AGTPBP1: variants seen among roughly 807,000 people sequenced by gnomAD.
AGTPBP1 encodes the protein ATP/GTP binding carboxypeptidase 1.
A neutral mutation model predicts 143.9 loss-of-function variants in AGTPBP1; 70 were observed. The observed-to-expected ratio is 0.49, with a 90% CI of 0.40 to 0.59. The LOEUF is 0.59. Among genes scored for constraint, AGTPBP1 ranks in the 20% least tolerant of loss-of-function variants. AGTPBP1 has a pLI of 0.00. For synonymous variants in AGTPBP1, 463 were observed against 500.2 expected (o/e 0.93, Z 0.99); for missense variants, 1,229 against 1,464.5 (o/e 0.84, Z 2.62).
intron 12 of AGTPBP1, 27 bp downstream of exon 12, chr9:85,646,294 T>C: frequency 1.3e-6 from 2 of 1,538,608 alleles, no homozygotes; most frequent in Non-Finnish European, 1.8e-6. Flanking sequence ...TTTATAAAGC[T>C]AACTAATTAC....
At chr9:85,579,340 C>T (rs1214996377) in intron 23 of AGTPBP1, among the ~76,000 whole-genome samples, 1 of 151,694 alleles carries the variant, frequency 6.6e-6, no homozygotes, top group African/African-American at 2.4e-5. Context: ...ACGGTATAAC[C>T]AATAAGCAAA....
intron 2 of AGTPBP1, among the ~76,000 whole-genome samples, chr9:85,701,999 T>C (rs1412273134): frequency 1.3e-5 from 2 of 152,222 alleles, no homozygotes; most frequent in Non-Finnish European, 2.9e-5. Context: ...TTTTGCCCCA[T>C]ATAATGTTAT....
chr9:85,555,900 T>C (rs570312682), intron 25 of AGTPBP1, among the ~76,000 whole-genome samples: 2 of 152,290 alleles, frequency 1.3e-5, no homozygotes, highest in Non-Finnish European at 2.9e-5. Context: ...TATAAGTGAA[T>C]GTGACTAACT....
chr9:85,659,325 C>A (rs1299365974), intron 9 of AGTPBP1, among the ~76,000 whole-genome samples: 2 of 151,916 alleles, frequency 1.3e-5, no homozygotes, highest in African/African-American at 4.8e-5. Context: ...CTCCTCTCTG[C>A]CAAAACCAAA....
At chr9:85,628,889 G>C (rs1412896306) in intron 14 of AGTPBP1, among the ~76,000 whole-genome samples, 1 of 151,914 alleles carries the variant, frequency 6.6e-6, no homozygotes, top group Admixed American at 6.6e-5. Context: ...CTAATTTTTT[G>C]TATTTTTAGT....
intron 1 of AGTPBP1, among the ~76,000 whole-genome samples, chr9:85,730,273 T>A (rs981238265): frequency 6.6e-6 from 1 of 152,252 alleles, no homozygotes; most frequent in Non-Finnish European, 1.5e-5. Flanking sequence ...ATTGATTTAT[T>A]GCCCCTCATC....
intron 1 of AGTPBP1, among the ~76,000 whole-genome samples, chr9:85,724,843 A>T (rs1212046576): frequency 6.6e-6 from 1 of 152,228 alleles, no homozygotes; most frequent in Non-Finnish European, 1.5e-5. Flanking sequence ...TGCAGGTGCT[A>T]AATAAATTTT....
At chr9:85,786,560 C>G in the AGTPBP1 span, 13 of 1,613,702 alleles carry the variant, frequency 8.1e-6, no homozygotes, top group African/African-American at 1.6e-4. Flanking sequence ...ATCTAGAAAA[C>G]CAAGGGACTT....
chr9:85,632,526 C>A, intron 14 of AGTPBP1, 136 bp downstream of exon 14: 2 of 794,362 alleles, frequency 2.5e-6, no homozygotes, highest in Non-Finnish European at 1.9e-6. Context: ...GCAAAATTTC[C>A]AAAGCAGAAT....
intron 17 of AGTPBP1, among the ~76,000 whole-genome samples, chr9:85,614,733 C>A (rs1458222576): frequency 2.0e-5 from 3 of 151,926 alleles, no homozygotes; most frequent in Non-Finnish European, 2.9e-5. Flanking sequence ...ACTAGATCAA[C>A]AAGAAACCCC....
intron 23 of AGTPBP1, 110 bp from the exon 24 acceptor site, chr9:85,579,206 G>A (rs563026438): frequency 9.2e-7 from 1 of 1,091,230 alleles, no homozygotes; most frequent in South Asian, 1.6e-5. Flanking sequence ...AAAGCCATGT[G>A]GATGTTCTAT....
At chr9:85,804,402 C>T in the AGTPBP1 span, among the ~76,000 whole-genome samples, 3 of 152,128 alleles carry the variant, frequency 2.0e-5, no homozygotes, top group Non-Finnish European at 4.4e-5. Flanking sequence ...CGTTTCTTTC[C>T]TTATCCCCAA....
rs1391986545 is a variant in AGTPBP1 at position 85,722,137 on chromosome 9, A to C, written c.-33-9571T>G. ...TCATTTCAGCCTTGGTGAATCTGAC[A>C]ATTATGTGTCTTGGGGTTGCTCTTC... On this transcript the variant is annotated intron_variant, in intron 1 of 25. Coordinates refer to ENST00000357081, the MANE Select transcript of AGTPBP1 (RefSeq NM_001330701.2). Among the ~76,000 whole-genome samples, 3 of 152,062 alleles carry C rather than the reference A, an allele frequency of 2.0e-5. 1 individual carries two copies. Among genetic ancestry groups the C allele is most frequent in the African/African-American group, 2.4e-5 (1 of 41,390 alleles).
At chr9:85,773,963 G>C in the AGTPBP1 span, 92 of 1,610,232 alleles carry the variant, frequency 5.7e-5, no homozygotes, top group East Asian at 1.0e-3. Flanking sequence ...TAAAATTGCA[G>C]TGTGACCGGA....
intron 2 of AGTPBP1, among the ~76,000 whole-genome samples, chr9:85,697,775 T>C (rs1402819368): frequency 6.6e-6 from 1 of 152,184 alleles, no homozygotes; most frequent in Non-Finnish European, 1.5e-5. Flanking sequence ...ATGATAAATA[T>C]CAACAGATAA....
intron 1 of AGTPBP1, among the ~76,000 whole-genome samples, chr9:85,721,036 T>C (rs903999606): frequency 1.3e-5 from 2 of 152,198 alleles, no homozygotes; most frequent in Non-Finnish European, 1.5e-5. Context: ...AGAGATAGTT[T>C]GTTGTGATTT....
chr9:85,709,391 T>C (rs755063151), intron 2 of AGTPBP1, among the ~76,000 whole-genome samples: 17 of 152,192 alleles, frequency 1.1e-4, no homozygotes, highest in Non-Finnish European at 1.9e-4. Flanking sequence ...AATGCTTTTC[T>C]CCTACAACCA....
rs566275826 is a variant in AGTPBP1, at chr9:85,588,840, T to C, written c.2723-362A>G. Among the ~76,000 whole-genome samples, 5 of 152,188 alleles carry C rather than the reference T, an allele frequency of 3.3e-5. No homozygotes were observed. In the East Asian group the frequency reaches 5.8e-4, roughly 18 times the overall value. On this transcript the variant is annotated intron_variant, in intron 20 of 25. Coordinates refer to ENST00000357081, the MANE Select transcript of AGTPBP1 (RefSeq NM_001330701.2). ...AATATAAAACTATTTTTTCATAAAA[T>C]CATAGGGAAAAGAAATAAAATATAA...
At chr9:85,547,440 T>A (rs1016339772) in intron 25 of AGTPBP1, among the ~76,000 whole-genome samples, 154 bp from the exon 26 acceptor site, 1 of 152,228 alleles carries the variant, frequency 6.6e-6, no homozygotes, top group African/African-American at 2.4e-5. Context: ...TTGAAATTTA[T>A]AATAGGTGAA....
Sources: allele counts gnomAD v4.1 joint callset (sites outside exome capture counted in the v4.1 genomes callset), GRCh38; gene constraint gnomAD v4.1.1; transcripts MANE v1.5; gene names NCBI Gene and HGNC (gene_info 2026-07-23, HGNC 2026-07-21).